Variants in RPS6KA6 observed in about 807,000 individuals in gnomAD.
RPS6KA6 encodes the protein ribosomal protein S6 kinase alpha-6.
A neutral mutation model predicts 65.4 loss-of-function variants in RPS6KA6; 27 were observed. The observed-to-expected ratio is 0.41, with a 90% CI of 0.30 to 0.57. RPS6KA6 has a LOEUF of 0.57. Among genes scored for constraint, RPS6KA6 ranks in the 20% least tolerant of loss-of-function variants. The pLI is 0.24. For missense variants in RPS6KA6, 486 were observed against 555.6 expected, an observed-to-expected ratio of 0.87 and a Z score of 1.26; for synonymous variants, 190 against 184.2, an observed-to-expected ratio of 1.03 and a Z score of -0.26.
Position 84,183,790 on chromosome X carries a change from A to T in RPS6KA6, c.81+4029T>A, listed in dbSNP as rs895319949. ...CACCTCCTTCACAAAGCCTTACCAG[A>T]TCCATTCCTAAACCACCACCACCCC... On this transcript the variant is annotated intron_variant, in intron 1 of 21. Coordinates refer to ENST00000262752, the MANE Select transcript of RPS6KA6 (RefSeq NM_014496.5). Among the ~76,000 whole-genome samples, 4 of 110,964 alleles carry T rather than the reference A, an allele frequency of 3.6e-5. No homozygotes were observed. In the Admixed American group the frequency reaches 3.9e-4, roughly 11 times the overall value.
chrX:84,161,274 C>T (rs1176254149), intron 2 of RPS6KA6, among the ~76,000 whole-genome samples: 1 of 111,326 alleles, frequency 9.0e-6, no homozygotes, highest in Non-Finnish European at 1.9e-5. Flanking sequence ...TTTTGCACCA[C>T]TATAAAGTTG....
intron 20 of RPS6KA6, among the ~76,000 whole-genome samples, chrX:84,094,875 G>A (rs2050440664): frequency 1.8e-5 from 2 of 111,512 alleles, no homozygotes; most frequent in African/African-American, 6.5e-5. Flanking sequence ...TTGGTAAAAT[G>A]TATTTTCTGA....
At chrX:84,075,242 A>G (rs1386865439) in intron 20 of RPS6KA6, among the ~76,000 whole-genome samples, 3 of 111,542 alleles carry the variant, frequency 2.7e-5, no homozygotes, top group African/African-American at 9.8e-5. Context: ...AAAACAAACA[A>G]ACAAACAAAC....
intron 20 of RPS6KA6, among the ~76,000 whole-genome samples, chrX:84,068,099 T>C (rs186774446): frequency 3.2e-3 from 357 of 111,749 alleles, no homozygotes; most frequent in Non-Finnish European, 5.5e-3. Flanking sequence ...CAGGTCTGCT[T>C]ATAAGAGCTC....
intron 1 of RPS6KA6, among the ~76,000 whole-genome samples, chrX:84,185,765 C>G (rs919097097): frequency 1.8e-5 from 2 of 111,610 alleles, no homozygotes; most frequent in African/African-American, 6.5e-5. Context: ...ACTCTTAGTC[C>G]TAAAATTATC....
At chrX:84,108,235 C>A (rs1043259666) in intron 12 of RPS6KA6, among the ~76,000 whole-genome samples, 2 of 111,783 alleles carry the variant, frequency 1.8e-5, no homozygotes, top group African/African-American at 6.5e-5. Context: ...AAAGCCACTT[C>A]TTTTGAAATC....
chrX:84,087,982 T>TA (rs1028833785), intron 20 of RPS6KA6, among the ~76,000 whole-genome samples: 18 of 112,385 alleles, frequency 1.6e-4, no homozygotes, highest in Admixed American at 9.4e-5. Flanking sequence ...GAAGTTCTTG[T>TA]GTTTTTCAGC....
At position 84,182,296 on chromosome X, in the gene RPS6KA6, C is replaced by T. The variant is rs762396887; in HGVS notation, c.81+5523G>A. On this transcript the variant is annotated intron_variant, in intron 1 of 21. Coordinates refer to ENST00000262752, the MANE Select transcript of RPS6KA6 (RefSeq NM_014496.5). ...AACAAACAAAAATAAAGAAAATACA[C>T]AACAAAAAAAAATATTGGCAGCAAC... Among the ~76,000 whole-genome samples, 5 of 110,213 alleles carry T rather than the reference C, an allele frequency of 4.5e-5. No individual in the cohort carries two copies. In the South Asian group the frequency reaches 1.9e-3, roughly 42 times the overall value.
In RPS6KA6 at chrX:84,156,186, T is replaced by C. The variant is rs747467948; in HGVS notation, c.147A>G (p.Glu49=). The change falls in exon 3 of 22, where the codon GAA becomes GAG. Residue 49 remains glutamate, a synonymous_variant. Transcript: ENST00000262752. The part of the protein sequence containing the change: ...EEGEADSCHD[E]GVVKEIPITH... Reference sequence around the variant, plus strand: ...TAATAGGGATTTCTTTAACAACTCCTTCATCCTGTAAAAAGAAATCCAAAC... The same window carrying C: ...TAATAGGGATTTCTTTAACAACTCCCTCATCCTGTAAAAAGAAATCCAAAC... 2 of 1,050,157 alleles carry C rather than the reference T, an allele frequency of 1.9e-6. No individual in the cohort carries two copies. The highest frequency in any genetic ancestry group is 1.9e-5 in the South Asian group (1 of 51,366). 86.5% of individuals were successfully genotyped at this position (1,050,157 alleles called of 1,213,427 possible).
chrX:84,136,944 CT>C (rs1250091877), intron 6 of RPS6KA6, among the ~76,000 whole-genome samples: 1 of 111,826 alleles, frequency 8.9e-6, no homozygotes, highest in Admixed American at 9.5e-5. Context: ...AGAATGAACT[CT>C]TTCCCAGAAG....
chrX:84,070,916 TA>T (rs199723932), intron 20 of RPS6KA6, among the ~76,000 whole-genome samples: 5,463 of 109,539 alleles, frequency 0.05, 201 homozygotes, highest in East Asian at 0.21. Context: ...AACAACCAAT[TA>T]AAAAAAAACA....
intron 12 of RPS6KA6, among the ~76,000 whole-genome samples, chrX:84,112,844 G>A (rs1056141046): frequency 2.7e-5 from 3 of 111,040 alleles, no homozygotes; most frequent in Non-Finnish European, 3.8e-5. Flanking sequence ...ATGAGATTGC[G>A]ACCAAAAAAA....
chrX:84,164,480 T>C (rs1263407597), intron 1 of RPS6KA6, 93 bp from the exon 2 acceptor site: 1 of 568,488 alleles, frequency 1.8e-6, no homozygotes, highest in Non-Finnish European at 2.9e-6. Context: ...CCTTCCACAA[T>C]CTAACAAGAT....
At chrX:84,167,948 G>C (rs1396805398) in intron 1 of RPS6KA6, among the ~76,000 whole-genome samples, 1 of 111,206 alleles carries the variant, frequency 9.0e-6, no homozygotes. Context: ...TTATTAAAAA[G>C]TAAATTAGCA....
At chrX:84,074,323 G>A (rs769866867) in intron 20 of RPS6KA6, among the ~76,000 whole-genome samples, 4 of 111,672 alleles carry the variant, frequency 3.6e-5, no homozygotes, top group African/African-American at 1.3e-4. Context: ...ATCTCATAGA[G>A]GTACAGAGTA....
intron 1 of RPS6KA6, among the ~76,000 whole-genome samples, chrX:84,183,251 A>C (rs1001079124): frequency 9.0e-6 from 1 of 111,229 alleles, no homozygotes; most frequent in Non-Finnish European, 1.9e-5. Flanking sequence ...ATTGTTTGTT[A>C]TTTCTTTTTA....
At chrX:84,169,213 C>T (rs1017218962) in intron 1 of RPS6KA6, among the ~76,000 whole-genome samples, 4 of 111,297 alleles carry the variant, frequency 3.6e-5, no homozygotes, top group African/African-American at 6.5e-5. Flanking sequence ...AACAGACTCT[C>T]GTACCAGGGC....
chrX:84,162,718 T>C (rs140393381), intron 2 of RPS6KA6, among the ~76,000 whole-genome samples: 1 of 112,086 alleles, frequency 8.9e-6, no homozygotes, highest in Non-Finnish European at 1.9e-5. Flanking sequence ...AATGCTAAAA[T>C]ATAATAAGCA....
At chrX:84,123,725 A>G (rs998738042) in intron 8 of RPS6KA6, among the ~76,000 whole-genome samples, 12 of 112,304 alleles carry the variant, frequency 1.1e-4, no homozygotes, top group African/African-American at 3.2e-4. Flanking sequence ...CTTGGCTCCC[A>G]GACAGCATGC....
Sources: gnomAD v4.1 joint callset for allele counts (sites outside exome capture counted in the v4.1 genomes callset) on GRCh38, gnomAD v4.1.1 for gene constraint, MANE v1.5 for transcripts, NCBI Gene and HGNC (gene_info 2026-07-23, HGNC 2026-07-21) for gene names.